BTBD16: variants seen among roughly 807,000 people sequenced by gnomAD.
The protein encoded by BTBD16 is BTB domain containing 16.
In BTBD16, 66 loss-of-function variants were observed where a neutral mutation model predicts 67.4. That is an observed-to-expected ratio of 0.98 (90% confidence interval 0.80 to 1.20). The LOEUF (loss-of-function observed/expected upper bound fraction) is 1.20, where lower values mean the gene tolerates loss of function less well. Ranked by LOEUF, BTBD16 falls within the 50% of genes most tolerant of loss-of-function variation. The pLI is 0.00. For synonymous variants in BTBD16, 242 were observed against 236.4 expected, an observed-to-expected ratio of 1.02 and a Z score of -0.22; for missense variants, 634 against 616.0, an observed-to-expected ratio of 1.03 and a Z score of -0.31.
intron 7 of BTBD16, among the ~76,000 whole-genome samples, chr10:122,296,974 G>A (rs1473276707): frequency 6.6e-6 from 1 of 152,220 alleles, no homozygotes; most frequent in Non-Finnish European, 1.5e-5. Flanking sequence ...TGGAATGCTG[G>A]TCTTTGAATC....
At chr10:122,291,482 C>T (rs1456580320) in intron 7 of BTBD16, 3 of 275,596 alleles carry the variant, frequency 1.1e-5, no homozygotes, top group Non-Finnish European at 2.0e-5. Context: ...TGTGTATACA[C>T]AGTGACTTCC....
At chr10:122,283,247 C>T (rs1290733681) in intron 3 of BTBD16, among the ~76,000 whole-genome samples, 1 of 152,178 alleles carries the variant, frequency 6.6e-6, no homozygotes, top group Non-Finnish European at 1.5e-5. Flanking sequence ...TAGACGAAGG[C>T]TATAGCAAGA....
At chr10:122,273,908 G>C (rs956366864) in intron 1 of BTBD16, among the ~76,000 whole-genome samples, 1 of 152,216 alleles carries the variant, frequency 6.6e-6, no homozygotes, top group Non-Finnish European at 1.5e-5. Context: ...TGCCCAAGTG[G>C]AATGGAAATT....
intron 13 of BTBD16, among the ~76,000 whole-genome samples, chr10:122,333,559 A>T (rs2096458365): frequency 6.6e-6 from 1 of 152,164 alleles, no homozygotes; most frequent in South Asian, 2.1e-4. Context: ...TTCTTTGCCA[A>T]GCAGGATTGC....
chr10:122,276,439 C>A (rs1426412053), intron 2 of BTBD16, among the ~76,000 whole-genome samples: 1 of 152,152 alleles, frequency 6.6e-6, no homozygotes, highest in African/African-American at 2.4e-5. Flanking sequence ...CTTTGTATGA[C>A]AAGTTAGGAT....
intron 10 of BTBD16, among the ~76,000 whole-genome samples, chr10:122,327,946 G>T (rs1408038996): frequency 6.6e-6 from 1 of 152,220 alleles, no homozygotes; most frequent in African/African-American, 2.4e-5. Context: ...CACAGCTCCA[G>T]CCGGGGCCCA....
intron 7 of BTBD16, among the ~76,000 whole-genome samples, chr10:122,296,217 G>A (rs1475049817): frequency 1.3e-5 from 2 of 152,008 alleles, no homozygotes; most frequent in Non-Finnish European, 1.5e-5. Flanking sequence ...CAACCTAATG[G>A]TCAATGTCCT....
In BTBD16 at chr10:122,333,011, G is replaced by A. The variant is rs74816634; in HGVS notation, c.1164+498G>A. The A allele has an allele frequency of 4.0e-3, 3,902 of 977,582 alleles. 136 individuals carry two copies. In the African/African-American group the frequency reaches 0.064, roughly 16 times the overall value. 60.6% of individuals were successfully genotyped at this position (977,582 alleles called of 1,614,324 possible). ...TGATTGCAAGGCATCTTGGCACTTA[G>A]TGACCAGGGGAACCTTGGAGTTGGT... On this transcript the variant is annotated intron_variant, in intron 13 of 15. Coordinates refer to ENST00000260723, the MANE Select transcript of BTBD16 (RefSeq NM_144587.5).
intron 9 of BTBD16, among the ~76,000 whole-genome samples, chr10:122,302,708 C>T (rs7916839): frequency 0.57 from 86,407 of 152,080 alleles, 25,546 homozygotes; most frequent in East Asian, 0.91. Context: ...TTTTAGCTAA[C>T]ACTAACAATA....
At chr10:122,300,243 A>C (rs2096391283) in intron 9 of BTBD16, among the ~76,000 whole-genome samples, 1 of 152,214 alleles carries the variant, frequency 6.6e-6, no homozygotes, top group South Asian at 2.1e-4. Flanking sequence ...TTTTTATTTG[A>C]AAATAATTTC....
At chr10:122,290,516 G>A (rs2096372018) in intron 6 of BTBD16, among the ~76,000 whole-genome samples, 3 of 152,128 alleles carry the variant, frequency 2.0e-5, no homozygotes, top group South Asian at 2.1e-4. Flanking sequence ...GGAATCGCTC[G>A]GTGAGGAAAC....
chr10:122,310,936 G>A (rs2096412675), intron 10 of BTBD16, among the ~76,000 whole-genome samples: 1 of 152,118 alleles, frequency 6.6e-6, no homozygotes, highest in African/African-American at 2.4e-5. Context: ...CGGAAAGGAG[G>A]GTCGAGAGCC....
intron 3 of BTBD16, among the ~76,000 whole-genome samples, chr10:122,282,390 C>A (rs1375113074): frequency 6.6e-6 from 1 of 152,194 alleles, no homozygotes; most frequent in Non-Finnish European, 1.5e-5. Context: ...CATTGGCAGC[C>A]ATCCTCCCCC....
chr10:122,303,560 G>A (rs1167810487), intron 9 of BTBD16: 1 of 201,516 alleles, frequency 5.0e-6, no homozygotes, highest in African/African-American at 2.4e-5. Context: ...TGGAGCAGTG[G>A]GCATCCTTGT....
At chr10:122,310,836 C>T (rs1299553377) in intron 10 of BTBD16, among the ~76,000 whole-genome samples, 1 of 152,170 alleles carries the variant, frequency 6.6e-6, no homozygotes, top group African/African-American at 2.4e-5. Context: ...GTGGGACAAG[C>T]TGAACAAATA....
chr10:122,289,155 T>C (rs779471183), intron 5 of BTBD16, among the ~76,000 whole-genome samples: 1 of 152,176 alleles, frequency 6.6e-6, no homozygotes, highest in Non-Finnish European at 1.5e-5. Flanking sequence ...ATGTTCACCC[T>C]GCAGCAGGTG....
At chr10:122,271,687 T>C (rs753708419) in intron 1 of BTBD16, among the ~76,000 whole-genome samples, 173 bp downstream of exon 1, 15 of 152,108 alleles carry the variant, frequency 9.9e-5, no homozygotes, top group Non-Finnish European at 1.9e-4. Flanking sequence ...GAGACCATTG[T>C]AGGTAGCTCC....
chr10:122,278,089 C>T lies in BTBD16; in HGVS notation c.167+1150C>T, dbSNP rs113524590. ...CCACTGGCCAACACTTTTCCGTTGCCGAGTTCCTTAGTGCCAGGGCTCGGC... is the reference window on the plus strand; with the variant it reads ...CCACTGGCCAACACTTTTCCGTTGCTGAGTTCCTTAGTGCCAGGGCTCGGC... On this transcript the variant is annotated intron_variant, in intron 3 of 15. Transcript: ENST00000260723. Among the ~76,000 whole-genome samples the T allele has an allele frequency of 5.4e-3, 821 of 152,280 alleles. 10 individuals carry two copies. The highest frequency in any genetic ancestry group is 0.019 in the African/African-American group (784 of 41,554).
intron 10 of BTBD16, among the ~76,000 whole-genome samples, chr10:122,318,626 C>T (rs146129880): frequency 3.3e-5 from 5 of 152,258 alleles, no homozygotes; most frequent in South Asian, 2.1e-4. Flanking sequence ...CACTCTGTTG[C>T]CCAGGCTGGA....
Sources: allele counts gnomAD v4.1 joint callset (sites outside exome capture counted in the v4.1 genomes callset), GRCh38; gene constraint gnomAD v4.1.1; transcripts MANE v1.5; gene names NCBI Gene and HGNC (gene_info 2026-07-23, HGNC 2026-07-21).